The following PKD1L1 variants were observed in gnomAD, a reference collection of about 807,000 sequenced individuals.
The protein encoded by PKD1L1 is polycystin 1 like 1, transient receptor potential channel interacting.
PKD1L1 carries 236 observed loss-of-function variants against 323.4 expected under a neutral mutation model. That is an observed-to-expected ratio of 0.73 (90% confidence interval 0.66 to 0.81). The LOEUF (loss-of-function observed/expected upper bound fraction) is 0.81, where lower values mean the gene tolerates loss of function less well. Ranked by LOEUF, PKD1L1 falls within the 40% of genes least tolerant of loss-of-function variation. The pLI is 0.00. For synonymous variants in PKD1L1, 1,344 were observed against 1,335.0 expected, an observed-to-expected ratio of 1.01 and a Z score of -0.15; for missense variants, 3,320 against 3,508.0, an observed-to-expected ratio of 0.95 and a Z score of 1.35.
chr7:47,882,601 C>CG (rs1562971636), intron 19 of PKD1L1, among the ~76,000 whole-genome samples: 6 of 151,450 alleles, frequency 4.0e-5, no homozygotes, highest in Non-Finnish European at 5.9e-5. Flanking sequence ...TAGAAGGAGC[C>CG]CTTCAAGCAT....
At chr7:47,795,456 A>G (rs1364919475) in intron 55 of PKD1L1, 2 of 430,474 alleles carry the variant, frequency 4.6e-6, no homozygotes, top group Admixed American at 5.3e-5. Flanking sequence ...AAGTCCAATT[A>G]AACTTCTTTT....
chr7:47,812,776 T>A lies in PKD1L1; in HGVS notation c.7346+345A>T, dbSNP rs146793738. On this transcript the variant is annotated intron_variant, in intron 49 of 56. Transcript: ENST00000289672. ...ATGGGAAAAGTAGCACAGGGCCTAT[T>A]CCACAGAGCTAGGTGAGGATTAAAT... Among the ~76,000 whole-genome samples the A allele has an allele frequency of 1.1e-3, 173 of 152,304 alleles. 1 individual carries two copies. Among genetic ancestry groups the A allele is most frequent in the African/African-American group, 4.1e-3 (172 of 41,562 alleles).
intron 2 of PKD1L1, among the ~76,000 whole-genome samples, chr7:47,943,145 C>CAAA (rs142019299): frequency 4.0e-4 from 36 of 88,972 alleles, no homozygotes; most frequent in South Asian, 1.4e-3. Context: ...GACTCCGTCT[C>CAAA]AAAAAAAAAA....
At chr7:47,864,382 A>G (rs1786101210) in intron 26 of PKD1L1, among the ~76,000 whole-genome samples, 1 of 152,094 alleles carries the variant, frequency 6.6e-6, no homozygotes, top group Non-Finnish European at 1.5e-5. Context: ...ACATCAGCTG[A>G]CGGGGAGGAA....
chr7:47,943,724 A>C (rs1431535288), intron 1 of PKD1L1, among the ~76,000 whole-genome samples: 1 of 152,164 alleles, frequency 6.6e-6, no homozygotes, highest in African/African-American at 2.4e-5. Flanking sequence ...GATTAACTGA[A>C]ATATAGTTCC....
intron 36 of PKD1L1, among the ~76,000 whole-genome samples, chr7:47,838,341 G>A (rs10245949): frequency 0.36 from 54,995 of 152,154 alleles, 10,609 homozygotes; most frequent in East Asian, 0.61. Context: ...GGCGACACTG[G>A]GGACTGTCTG....
At chr7:47,896,272 T>C (rs941432445) in intron 14 of PKD1L1, among the ~76,000 whole-genome samples, 1 of 133,924 alleles carries the variant, frequency 7.5e-6, no homozygotes, top group Non-Finnish European at 1.5e-5. Context: ...GAGGTTGCAG[T>C]GAGCCGAGAT....
intron 56 of PKD1L1, among the ~76,000 whole-genome samples, chr7:47,782,626 A>T (rs528895741): frequency 1.1e-3 from 173 of 152,322 alleles, no homozygotes; most frequent in African/African-American, 4.0e-3. Context: ...AAATCTCCAC[A>T]CTGGTGTAGT....
chr7:47,960,160 G>C, the PKD1L1 span, among the ~76,000 whole-genome samples: 1 of 150,238 alleles, frequency 6.7e-6, no homozygotes, highest in East Asian at 2.0e-4. Flanking sequence ...TTAAACAGAT[G>C]CTTGAAGGCA....
chr7:47,787,367 G>T (rs568207675), intron 56 of PKD1L1, among the ~76,000 whole-genome samples: 51 of 152,268 alleles, frequency 3.3e-4, no homozygotes, highest in African/African-American at 1.2e-3. Context: ...AAAGCGTTGT[G>T]TTTTCCTGTG....
the PKD1L1 span, among the ~76,000 whole-genome samples, chr7:47,957,847 A>G: frequency 1.4e-5 from 2 of 144,364 alleles, no homozygotes; most frequent in South Asian, 4.4e-4. Context: ...CCCATTTACA[A>G]TACAATTAAA....
chr7:47,880,280 A>ATTTTTTTT (rs1380647150), intron 21 of PKD1L1, among the ~76,000 whole-genome samples: 16 of 71,548 alleles, frequency 2.2e-4, no homozygotes, highest in African/African-American at 3.7e-4. Context: ...ATATATATAT[A>ATTTTTTTT]TATATTTTTT....
intron 45 of PKD1L1, among the ~76,000 whole-genome samples, chr7:47,824,800 T>C (rs1785210659): frequency 6.6e-6 from 1 of 152,182 alleles, no homozygotes; most frequent in Non-Finnish European, 1.5e-5. Context: ...GTCTTCATGC[T>C]TCTACATAGC....
intron 48 of PKD1L1, chr7:47,813,542 T>C: frequency 1.5e-6 from 1 of 684,254 alleles, no homozygotes; most frequent in Non-Finnish European, 2.7e-6. Context: ...TTAGACCACT[T>C]GAAGACTTCC....
chr7:47,849,172 T>G (rs73331771), intron 31 of PKD1L1, among the ~76,000 whole-genome samples: 2,402 of 152,286 alleles, frequency 0.016, 79 homozygotes, highest in African/African-American at 0.055. Context: ...TGGATCCTCA[T>G]CTCTCATTTT....
At chr7:47,932,643 C>T (rs1189116521) in intron 4 of PKD1L1, among the ~76,000 whole-genome samples, 1 of 152,054 alleles carries the variant, frequency 6.6e-6, no homozygotes, top group Non-Finnish European at 1.5e-5. Context: ...TGAGCCCCAG[C>T]GAGCCCTGCA....
chr7:47,865,528 C>T (rs1263406585), intron 25 of PKD1L1, among the ~76,000 whole-genome samples: 1 of 144,630 alleles, frequency 6.9e-6, no homozygotes, highest in East Asian at 1.9e-4. Context: ...GACACGAGGG[C>T]TGATGAAATA....
intron 1 of PKD1L1, among the ~76,000 whole-genome samples, chr7:47,945,098 C>T (rs183334756): frequency 1.2e-3 from 182 of 152,298 alleles, no homozygotes; most frequent in Non-Finnish European, 2.3e-3. Flanking sequence ...GTCTCCTTCT[C>T]TGTTTGAGAG....
intron 15 of PKD1L1, among the ~76,000 whole-genome samples, 169 bp downstream of exon 15, chr7:47,893,709 C>A (rs1321802077): frequency 6.6e-6 from 1 of 152,238 alleles, no homozygotes; most frequent in African/African-American, 2.4e-5. Context: ...TACTTCCACT[C>A]TTTTCCTCAA....
Sources: gnomAD v4.1 joint callset for allele counts (sites outside exome capture counted in the v4.1 genomes callset) on GRCh38, gnomAD v4.1.1 for gene constraint, MANE v1.5 for transcripts, NCBI Gene and HGNC (gene_info 2026-07-23, HGNC 2026-07-21) for gene names.